PTPRN2: variants seen among roughly 807,000 people sequenced by gnomAD.
PTPRN2 encodes the protein receptor-type tyrosine-protein phosphatase N2.
PTPRN2 carries 74 observed loss-of-function variants against 118.8 expected under a neutral mutation model. That is an observed-to-expected ratio of 0.62 (90% CI 0.52 to 0.76). The LOEUF is 0.76. Among genes scored for constraint, PTPRN2 ranks in the 30% least tolerant of loss-of-function variants. PTPRN2 has a pLI of 0.00. For synonymous variants in PTPRN2, 641 were observed against 608.0 expected (o/e 1.05, Z -0.80); for missense variants, 1,481 against 1,394.4 (o/e 1.06, Z -0.99).
intron 11 of PTPRN2, among the ~76,000 whole-genome samples, chr7:158,041,180 A>G (rs1035722942): frequency 2.0e-5 from 3 of 152,224 alleles, no homozygotes; most frequent in African/African-American, 7.2e-5. Context: ...GCCCTGGAGA[A>G]TCCTGCTTGG....
chr7:158,473,720 G>C (rs1207665889), intron 2 of PTPRN2, among the ~76,000 whole-genome samples: 86 of 152,218 alleles, frequency 5.6e-4, no homozygotes, highest in African/African-American at 2.0e-3. Context: ...CCTCAGCTTT[G>C]AAAACCACAC....
At chr7:157,750,884 G>A (rs2150986780) in intron 12 of PTPRN2, among the ~76,000 whole-genome samples, 1 of 152,378 alleles carries the variant, frequency 6.6e-6, no homozygotes, top group South Asian at 2.1e-4. Context: ...GGGTGCAGCT[G>A]CATTCTGGGG....
At chr7:158,205,326 G>C in intron 3 of PTPRN2, 53 bp from the exon 4 acceptor site, 1 of 1,355,544 alleles carries the variant, frequency 7.4e-7, no homozygotes, top group Non-Finnish European at 1.1e-6. Flanking sequence ...TTTAGCCAAA[G>C]CTCTTGCTTC....
At chr7:158,379,699 A>AG (rs1810812521) in intron 2 of PTPRN2, among the ~76,000 whole-genome samples, 1 of 152,218 alleles carries the variant, frequency 6.6e-6, no homozygotes, top group South Asian at 2.1e-4. Context: ...GACTCCAAGA[A>AG]GGCCAAAGTC....
Position 158,192,705 on chromosome 7 carries a change from C to T in PTPRN2, c.381-210G>A, listed in dbSNP as rs1825879330. On this transcript the variant is annotated intron_variant, in intron 4 of 22. Coordinates refer to ENST00000389418, the MANE Select transcript of PTPRN2 (RefSeq NM_002847.5). Reference sequence around the variant, plus strand: ...CGAGGATGGCTAACAGCACCTGCCTCGTGGTTGTGGGGATGGACGATTGAC... The same window carrying T: ...CGAGGATGGCTAACAGCACCTGCCTTGTGGTTGTGGGGATGGACGATTGAC... 2.6e-5 allele frequency among the ~76,000 whole-genome samples: 4 copies of T among 152,036 alleles called. No homozygotes were observed. The South Asian group carries it at 6.2e-4, about 24-fold the overall frequency.
chr7:158,430,230 C>G (rs1816056718), intron 2 of PTPRN2, among the ~76,000 whole-genome samples: 1 of 152,132 alleles, frequency 6.6e-6, no homozygotes, highest in South Asian at 2.1e-4. Flanking sequence ...TCTTAAACAA[C>G]AATGCTTTGT....
intron 12 of PTPRN2, among the ~76,000 whole-genome samples, chr7:157,774,288 C>T (rs534850839): frequency 2.2e-4 from 33 of 152,368 alleles, no homozygotes; most frequent in African/African-American, 7.7e-4. Context: ...TATGCACCAT[C>T]CTCCATGATG....
intron 1 of PTPRN2, among the ~76,000 whole-genome samples, chr7:158,562,234 G>A (rs750095459): frequency 2.7e-4 from 41 of 152,114 alleles, no homozygotes; most frequent in Non-Finnish European, 5.0e-4. Context: ...CATAGATGAC[G>A]CCTTCTCGCC....
At chr7:157,999,261 T>C (rs1805036069) in intron 11 of PTPRN2, among the ~76,000 whole-genome samples, 1 of 152,134 alleles carries the variant, frequency 6.6e-6, no homozygotes, top group South Asian at 2.1e-4. Context: ...ATCAGGGGGT[T>C]CTAGTCGGCT....
rs1370178610 is a variant in PTPRN2 at position 157,964,615 on chromosome 7, G to A, written c.1724-65878C>T. Reference sequence around the variant, plus strand: ...CAGGTGCAGCAGGGCCCTTGAGTCTGTCTCACGCCATTAACACCCTGTGAT... The same window carrying A: ...CAGGTGCAGCAGGGCCCTTGAGTCTATCTCACGCCATTAACACCCTGTGAT... On this transcript the variant is annotated intron_variant, in intron 11 of 22. Transcript: ENST00000389418. This position sits in a 1 kb window ranked among gnomAD's most constrained non-coding sequence, Gnocchi z 9.0. Among the ~76,000 whole-genome samples the A allele has an allele frequency of 6.6e-6, 1 of 152,202 alleles. No homozygotes were observed. The highest frequency in any genetic ancestry group is 1.5e-5 in the Non-Finnish European group (1 of 68,042).
At chr7:157,885,958 G>C (rs1796427791) in intron 12 of PTPRN2, among the ~76,000 whole-genome samples, 1 of 152,246 alleles carries the variant, frequency 6.6e-6, no homozygotes, top group Non-Finnish European at 1.5e-5. Context: ...CATCACAACT[G>C]TTGCTGCCAC....
At chr7:158,223,045 C>A (rs756852437) in intron 3 of PTPRN2, among the ~76,000 whole-genome samples, 6 of 152,128 alleles carry the variant, frequency 3.9e-5, no homozygotes, top group Non-Finnish European at 7.4e-5. Flanking sequence ...AGGGAATAAA[C>A]AACTCTACAC....
chr7:158,247,532 G>A (rs962014793), intron 3 of PTPRN2, among the ~76,000 whole-genome samples: 10 of 152,190 alleles, frequency 6.6e-5, no homozygotes, highest in African/African-American at 9.6e-5. Flanking sequence ...CTCAGACACC[G>A]TCCTAAACAC....
At chr7:158,496,167 T>A (rs990716454) in intron 1 of PTPRN2, among the ~76,000 whole-genome samples, 6 of 151,630 alleles carry the variant, frequency 4.0e-5, no homozygotes, top group African/African-American at 1.5e-4. Context: ...GAAAGCCCAG[T>A]CCCAGTCTGG....
intron 12 of PTPRN2, among the ~76,000 whole-genome samples, chr7:157,856,991 A>G (rs1169421226): frequency 2.0e-5 from 3 of 152,092 alleles, no homozygotes; most frequent in African/African-American, 7.2e-5. Flanking sequence ...TTTATCTTCC[A>G]AGCATTGCTG....
chr7:158,385,348 T>C (rs1811255652), intron 2 of PTPRN2, among the ~76,000 whole-genome samples: 1 of 152,224 alleles, frequency 6.6e-6, no homozygotes, highest in African/African-American at 2.4e-5. Flanking sequence ...TGTACTCTGA[T>C]GACATTTCAG....
At position 157,691,070 on chromosome 7, in the gene PTPRN2, C is replaced by A. The variant is rs1331094907; in HGVS notation, c.1789-8133G>T. On this transcript the variant is annotated intron_variant, in intron 12 of 22. Coordinates refer to ENST00000389418, the MANE Select transcript of PTPRN2 (RefSeq NM_002847.5). ...GCCACCGGTTGCTATAGCGATGTCC[C>A]CCCCCCCCCCCACATGTTGCTGACA... Among the ~76,000 whole-genome samples, 13 of 103,524 alleles carry A rather than the reference C, an allele frequency of 1.3e-4. No homozygotes were observed. In the South Asian group the frequency reaches 2.4e-3, roughly 19 times the overall value. The allele number at this position is 103,524 out of a possible 152,430, so 67.9% of individuals were successfully genotyped here.
intron 11 of PTPRN2, among the ~76,000 whole-genome samples, chr7:157,923,847 G>A (rs1798822450): frequency 6.6e-6 from 1 of 152,104 alleles, no homozygotes; most frequent in Admixed American, 6.5e-5. Context: ...GCTAAACTCA[G>A]GGAGATTTTA....
chr7:158,460,928 C>A (rs930994515), intron 2 of PTPRN2, among the ~76,000 whole-genome samples: 8 of 152,230 alleles, frequency 5.3e-5, no homozygotes, highest in Admixed American at 5.2e-4. Flanking sequence ...TGCACGCTGG[C>A]AGCTAGCTGA....
Sources: gnomAD v4.1 joint callset for allele counts (sites outside exome capture counted in the v4.1 genomes callset) on GRCh38, gnomAD v4.1.1 for gene constraint, Gnocchi (gnomAD v3.1) non-coding constraint, MANE v1.5 for transcripts, NCBI Gene and HGNC (gene_info 2026-07-23, HGNC 2026-07-21) for gene names.